RAD18: variants seen among roughly 807,000 people sequenced by gnomAD.
The protein encoded by RAD18 is E3 ubiquitin-protein ligase RAD18.
In RAD18, 47 loss-of-function variants were observed where a neutral mutation model predicts 60.4. The observed-to-expected ratio is 0.78, with a 90% CI of 0.62 to 0.99. The LOEUF (loss-of-function observed/expected upper bound fraction) is 0.99, where lower values mean the gene tolerates loss of function less well. Among genes scored for constraint, RAD18 ranks in the 50% least tolerant of loss-of-function variants. The probability of loss-of-function intolerance (pLI) is 0.00; values close to 1 mark genes in which losing one functional copy is unlikely to be tolerated. For synonymous variants in RAD18, 225 were observed against 195.5 expected (o/e 1.15, Z -1.26); for missense variants, 640 against 593.3 (o/e 1.08, Z -0.82).
At chr3:8,935,280 A>C (rs1940629196) in intron 7 of RAD18, among the ~76,000 whole-genome samples, 1 of 152,236 alleles carries the variant, frequency 6.6e-6, no homozygotes, top group African/African-American at 2.4e-5. Context: ...TGTGTGGTTT[A>C]ATGAAAAGAA....
In RAD18 at chr3:8,902,359, T is replaced by G. The variant is rs1282394568; in HGVS notation, c.1168+21A>C. 2.0e-6 allele frequency: 3 copies of G among 1,496,354 alleles called. No individual in the cohort carries two copies. In the South Asian group the frequency reaches 4.1e-5, roughly 20 times the overall value. The allele number at this position is 1,496,354 out of a possible 1,614,324, so 92.7% of individuals were successfully genotyped here. On this transcript the variant is annotated intron_variant, in intron 10 of 12. Coordinates refer to ENST00000264926, the MANE Select transcript of RAD18 (RefSeq NM_020165.4). ...AATAATGAAATTCGACATATGTCTG[T>G]TTTTAATTATAGTCTCTTACCCATG...
intron 7 of RAD18, among the ~76,000 whole-genome samples, chr3:8,915,161 A>AAAAAG (rs1559772919): frequency 2.7e-5 from 4 of 150,112 alleles, no homozygotes; most frequent in Non-Finnish European, 4.4e-5. Flanking sequence ...AAAAAAAAAA[A>AAAAAG]AAAGAAAACT....
At chr3:8,922,734 C>T (rs964595661) in intron 7 of RAD18, among the ~76,000 whole-genome samples, 1 of 152,202 alleles carries the variant, frequency 6.6e-6, no homozygotes, top group African/African-American at 2.4e-5. Flanking sequence ...GAGGAACAAT[C>T]AGGCAGCAAC....
In RAD18 at chr3:8,939,581, C is replaced by A; in HGVS notation, c.677G>T (p.Arg226Leu). 6.2e-7 allele frequency: 1 copy of A among 1,612,844 alleles called. No homozygotes were observed. The highest frequency in any genetic ancestry group is 8.5e-7 in the Non-Finnish European group (1 of 1,179,136). The change falls in exon 6 of 13, where the codon CGC becomes CTC. Residue 226 changes from arginine (R) to leucine (L), a missense_variant. By Grantham distance (102) the Arg-to-Leu change is moderately radical (BLOSUM62 -2). Coordinates refer to ENST00000264926, the MANE Select transcript of RAD18 (RefSeq NM_020165.4). ...INKHLDSCLS[R>L]EEKKESLRSS... is the part of the protein sequence containing the mutation. ...TCTGAGGCTTTCCTTCTTCTCTTCGCGTGATAAACAGCTGTCTAAATGCTT... is the reference window on the plus strand; with the variant it reads ...TCTGAGGCTTTCCTTCTTCTCTTCGAGTGATAAACAGCTGTCTAAATGCTT...
chr3:8,899,069 A>AG, intron 10 of RAD18, 22 bp from the exon 11 acceptor site: 1 of 1,549,618 alleles, frequency 6.5e-7, no homozygotes, highest in African/African-American at 1.4e-5. Context: ...TAAATTTAAG[A>AG]GTACCTTAAA....
intron 3 of RAD18, 96 bp downstream of exon 3, chr3:8,948,413 C>T (rs1940871678): frequency 3.9e-6 from 4 of 1,019,292 alleles, no homozygotes; most frequent in Non-Finnish European, 5.9e-6. Flanking sequence ...TCAGTAACTA[C>T]ACATCACCCT....
intron 2 of RAD18, among the ~76,000 whole-genome samples, chr3:8,951,289 G>C (rs967369440): frequency 2.6e-5 from 4 of 152,146 alleles, no homozygotes; most frequent in African/African-American, 9.7e-5. Context: ...CTACAGAGAA[G>C]CAAAGAATGA....
rs757609104 is a variant in RAD18, at chr3:8,941,543, T to C, written c.528A>G (p.Glu176=). Residue 176 remains glutamate, a synonymous_variant, in exon 5 of 13, where the codon GAA becomes GAG. Transcript: ENST00000264926. ...AAKTKETRSV[E]EIAPDPSEAK... is the part of the protein sequence containing the mutation. ...CCTCTGAGGGATCTGGAGCGATCTC[T>C]TCTACAGAACGTGTCTCTTTGGTCT... 2.5e-6 allele frequency: 4 copies of C among 1,614,132 alleles called. No homozygotes were observed. The highest frequency in any genetic ancestry group is 3.4e-6 in the Non-Finnish European group (4 of 1,180,004).
At chr3:8,898,799 T>C in intron 11 of RAD18, 95 bp downstream of exon 11, 1 of 1,086,924 alleles carries the variant, frequency 9.2e-7, no homozygotes, top group Non-Finnish European at 1.3e-6. Context: ...CACCATGCCA[T>C]GCCTCAAAGC....
chr3:8,882,245 A>G (rs1007939280), intron 12 of RAD18, among the ~76,000 whole-genome samples: 5 of 152,340 alleles, frequency 3.3e-5, no homozygotes, highest in East Asian at 1.9e-4. Context: ...GCAAAGACCT[A>G]TGGCCTCTGG....
chr3:8,914,071 G>A (rs1940155672), intron 7 of RAD18, among the ~76,000 whole-genome samples: 1 of 152,156 alleles, frequency 6.6e-6, no homozygotes, highest in African/African-American at 2.4e-5. Flanking sequence ...GGGGATGTCT[G>A]CTCAAATTCC....
At position 8,941,504 on chromosome 3, in the gene RAD18, C is replaced by G; in HGVS notation, c.567G>C (p.Glu189Asp). ...GTTTCAAAGTGGATGTCGAGGGTGG[C>G]TCAGGACGCTTAGCCTCTGAGGGAT... is the stretch of plus-strand genomic sequence containing the variant. ...APDPSEAKRP[E>D]PPSTSTLKQV... The change falls in exon 5 of 13, where the codon GAG (glutamate) becomes GAC (aspartate). Residue 189 changes from glutamate (E) to aspartate (D), a missense_variant. Coordinates refer to ENST00000264926, the MANE Select transcript of RAD18 (RefSeq NM_020165.4). 6.2e-7 allele frequency: 1 copy of G among 1,613,462 alleles called. No individual in the cohort carries two copies. The highest frequency in any genetic ancestry group is 8.5e-7 in the Non-Finnish European group (1 of 1,179,644).
At chr3:8,890,136 T>C (rs1939659544) in intron 12 of RAD18, 1 of 487,516 alleles carries the variant, frequency 2.1e-6, no homozygotes, top group Non-Finnish European at 3.7e-6. Flanking sequence ...CATGACTGTA[T>C]TAATTGCCCA....
chr3:8,884,839 A>AT (rs1304170698), intron 12 of RAD18, among the ~76,000 whole-genome samples: 1 of 152,120 alleles, frequency 6.6e-6, no homozygotes, highest in African/African-American at 2.4e-5. Flanking sequence ...CCCAGCCCAC[A>AT]TTTTTTTCCA....
intron 9 of RAD18, among the ~76,000 whole-genome samples, chr3:8,909,842 G>GA (rs1308841809): frequency 6.6e-6 from 1 of 151,958 alleles, no homozygotes; most frequent in African/African-American, 2.4e-5. Flanking sequence ...GCTGATGAGA[G>GA]AAAAAAAATT....
chr3:8,932,600 T>C (rs907860169), intron 7 of RAD18, among the ~76,000 whole-genome samples: 10 of 152,180 alleles, frequency 6.6e-5, no homozygotes, highest in African/African-American at 1.9e-4. Context: ...CAGGTTCTTA[T>C]AGTTACATTT....
chr3:8,905,470 C>G (rs2125052200), intron 9 of RAD18, among the ~76,000 whole-genome samples: 1 of 152,274 alleles, frequency 6.6e-6, no homozygotes, highest in Middle Eastern at 3.4e-3. Context: ...AAGACTCACA[C>G]CCTTCTACAG....
intron 9 of RAD18, among the ~76,000 whole-genome samples, chr3:8,911,782 T>C (rs1287475555): frequency 1.3e-5 from 2 of 152,106 alleles, no homozygotes; most frequent in African/African-American, 2.4e-5. Context: ...TAAACTAAAA[T>C]CCAACCACCA....
chr3:8,920,614 C>T (rs1037173910), intron 7 of RAD18, among the ~76,000 whole-genome samples: 18 of 152,122 alleles, frequency 1.2e-4, no homozygotes, highest in African/African-American at 4.3e-4. Flanking sequence ...ATGAGGGGTA[C>T]ACAGATGTCA....
Sources: allele counts gnomAD v4.1 joint callset (sites outside exome capture counted in the v4.1 genomes callset), GRCh38; gene constraint gnomAD v4.1.1; transcripts MANE v1.5; gene names NCBI Gene and HGNC (gene_info 2026-07-23, HGNC 2026-07-21).